ERCC6: variants seen among roughly 807,000 people sequenced by gnomAD.
ERCC6 encodes ERCC excision repair 6, chromatin remodeling factor, also known as DNA excision repair protein ERCC-6.
Under a neutral mutation model 158.7 loss-of-function variants are expected in ERCC6, and 116 were observed. The ratio of observed to expected loss-of-function variants is 0.73; its 90% CI spans 0.63 to 0.85. ERCC6 has a LOEUF of 0.85. ERCC6 is among the 40% of genes least tolerant of loss of function. ERCC6 has a pLI of 0.00. For synonymous variants in ERCC6, 678 were observed against 659.3 expected (o/e 1.03, Z -0.43); for missense variants, 1,698 against 1,799.4 (o/e 0.94, Z 1.02).
chr10:49,515,932 C>CT (rs1375996372), intron 5 of ERCC6: 1 of 1,614,140 alleles, frequency 6.2e-7, no homozygotes, highest in Non-Finnish European at 8.5e-7. Context: ...GTGCCTCTTT[C>CT]TTTTTTCTTT....
chr10:49,439,858 A>G, the ERCC6 span, among the ~76,000 whole-genome samples: 1 of 152,180 alleles, frequency 6.6e-6, no homozygotes, highest in African/African-American at 2.4e-5. Context: ...TGCTGCCAGT[A>G]TCTTTGCTAA....
the ERCC6 span, among the ~76,000 whole-genome samples, chr10:49,445,890 A>G: frequency 6.6e-6 from 1 of 152,210 alleles, no homozygotes; most frequent in Non-Finnish European, 1.5e-5. Context: ...CCCCTCATAC[A>G]GGTATGGCCT....
At chr10:49,442,737 C>A in the ERCC6 span, among the ~76,000 whole-genome samples, 47 of 152,332 alleles carry the variant, frequency 3.1e-4, 1 homozygote, top group Admixed American at 3.1e-3. Context: ...ACAAGAATTT[C>A]TTTTGTTCAG....
chr10:49,440,772 A>C, the ERCC6 span, among the ~76,000 whole-genome samples: 1 of 152,172 alleles, frequency 6.6e-6, no homozygotes, highest in Non-Finnish European at 1.5e-5. Flanking sequence ...CTCTGAGAGG[A>C]AACTGGTGAG....
intron 1 of ERCC6, among the ~76,000 whole-genome samples, chr10:49,535,562 A>G (rs2132644821): frequency 6.6e-6 from 1 of 152,284 alleles, no homozygotes; most frequent in Admixed American, 6.5e-5. Context: ...GGCAGTTAAC[A>G]ATTCTGTTTT....
chr10:49,453,237 A>G (rs1169388381), downstream of ERCC6, among the ~76,000 whole-genome samples: 1 of 152,134 alleles, frequency 6.6e-6, no homozygotes, highest in African/African-American at 2.4e-5. Flanking sequence ...TACCATATAC[A>G]TCTTATCAGA....
the ERCC6 span, among the ~76,000 whole-genome samples, chr10:49,445,606 A>T: frequency 1.3e-5 from 2 of 152,244 alleles, no homozygotes; most frequent in Non-Finnish European, 2.9e-5. Context: ...GGTTTCAGCA[A>T]TGTAACAGAT....
intron 6 of ERCC6, chr10:49,505,153 G>GTATC (rs1851422330): frequency 6.6e-6 from 1 of 152,114 alleles, no homozygotes; most frequent in Admixed American, 6.6e-5. Flanking sequence ...CCTTCCTAAA[G>GTATC]TATCTTGTTA....
At chr10:49,484,300 A>G (rs10857497) in intron 8 of ERCC6, among the ~76,000 whole-genome samples, 47,404 of 150,486 alleles carry the variant, frequency 0.32, 9,276 homozygotes, top group Non-Finnish European at 0.44. Context: ...AAGAAAAAAA[A>G]AAAAAGAAAA....
chr10:49,451,177 GT>G (rs35839478), downstream of ERCC6, among the ~76,000 whole-genome samples: 2,689 of 130,116 alleles, frequency 0.021, 69 homozygotes, highest in African/African-American at 0.069. Flanking sequence ...AGTTTCAATA[GT>G]TTTTTTTTTT....
rs148447488 is a variant in ERCC6 at position 49,529,968 on chromosome 10, G to A, written c.543+752C>T. 8.2e-3 allele frequency among the ~76,000 whole-genome samples: 1,255 copies of A among 152,136 alleles called. 9 individuals carry two copies. Among genetic ancestry groups the A allele is most frequent in the Middle Eastern group, 0.017 (5 of 292 alleles). On this transcript the variant is annotated intron_variant, in intron 3 of 20. Coordinates refer to ENST00000355832, the MANE Select transcript of ERCC6 (RefSeq NM_000124.4). ...TTTTCCAAAGCTAAGTACAACCCCA[G>A]TGTGGCTGGGTGCTGACTGTAACAC...
At chr10:49,454,325 C>G (rs1470688578), downstream of ERCC6, among the ~76,000 whole-genome samples, 3 of 152,196 alleles carry the variant, frequency 2.0e-5, no homozygotes, top group Non-Finnish European at 4.4e-5. Context: ...ATGCTGGCAT[C>G]TTGCCCCTCC....
At chr10:49,442,506 T>C in the ERCC6 span, among the ~76,000 whole-genome samples, 5 of 152,246 alleles carry the variant, frequency 3.3e-5, no homozygotes, top group African/African-American at 1.2e-4. Context: ...TAGAAATTCT[T>C]GACAGCCACG....
At chr10:49,525,395 T>C (rs979979606) in intron 4 of ERCC6, among the ~76,000 whole-genome samples, 2 of 152,238 alleles carry the variant, frequency 1.3e-5, no homozygotes, top group Non-Finnish European at 2.9e-5. Context: ...GCTACTATAA[T>C]GGGCAACACA....
intron 11 of ERCC6, 110 bp from the exon 12 acceptor site, chr10:49,476,420 AATG>A (rs1850878821): frequency 2.8e-6 from 2 of 718,044 alleles, no homozygotes; most frequent in Admixed American, 2.3e-5. Context: ...ATGCGATTTT[AATG>A]ATATCCCTAT....
At position 49,470,446 on chromosome 10, in the gene ERCC6, T is replaced by C. The variant is rs1850755480; in HGVS notation, c.3514A>G (p.Lys1172Glu). The C allele has an allele frequency of 6.2e-7, 1 of 1,614,150 alleles. No homozygotes were observed. The highest frequency in any genetic ancestry group is 8.5e-7 in the Non-Finnish European group (1 of 1,180,020). Residue 1172 changes from lysine (K) to glutamate (E), a missense_variant, in exon 18 of 21, where the codon AAA becomes GAA. Physicochemically the swap from Lys to Glu is moderately conservative, Grantham distance 56. Transcript: ENST00000355832. Reference protein sequence around the residue: ...QAQTEAFWENKQMENNFYKHK... With the variant: ...QAQTEAFWENEQMENNFYKHK... ...TTATAAAAATTATTTTCCATTTGTT[T>C]ATTCTCCCAAAAAGCTTCTGTTTGA...
intron 1 of ERCC6, among the ~76,000 whole-genome samples, chr10:49,535,031 A>G (rs1276451546): frequency 6.6e-6 from 1 of 152,236 alleles, no homozygotes; most frequent in Non-Finnish European, 1.5e-5. Flanking sequence ...CTGGGGCCCA[A>G]GAAATATCAC....
chr10:49,518,653 T>C (rs902859776), intron 5 of ERCC6, among the ~76,000 whole-genome samples: 1 of 152,082 alleles, frequency 6.6e-6, no homozygotes, highest in African/African-American at 2.4e-5. Flanking sequence ...ATAACAGTCA[T>C]TCTACTTGGC....
At chr10:49,467,511 T>G (rs922108378) in intron 18 of ERCC6, among the ~76,000 whole-genome samples, 1 of 152,232 alleles carries the variant, frequency 6.6e-6, no homozygotes, top group Non-Finnish European at 1.5e-5. Context: ...GCCATCTACA[T>G]ATCTTTCTTG....
Sources: allele counts gnomAD v4.1 joint callset (sites outside exome capture counted in the v4.1 genomes callset), GRCh38; gene constraint gnomAD v4.1.1; transcripts MANE v1.5; gene names NCBI Gene and HGNC (gene_info 2026-07-23, HGNC 2026-07-21).